IDNK: variants seen among roughly 807,000 people sequenced by gnomAD.
IDNK encodes the protein gluconokinase.
IDNK carries 9 observed loss-of-function variants against 13.0 expected under a neutral mutation model. The ratio of observed to expected loss-of-function variants is 0.69; its 90% CI spans 0.42 to 1.21. The LOEUF is 1.21. IDNK is among the 50% of genes most tolerant of loss of function. IDNK has a pLI of 0.00. For missense variants in IDNK, 210 were observed against 237.8 expected, an observed-to-expected ratio of 0.88 and a Z score of 0.77; for synonymous variants, 92 against 94.9, an observed-to-expected ratio of 0.97 and a Z score of 0.18.
upstream of IDNK, chr9:83,623,026 A>C: frequency 3.8e-6 from 2 of 519,824 alleles, no homozygotes; most frequent in Non-Finnish European, 6.2e-6. Flanking sequence ...AAAGCATGGA[A>C]AAGGGGCGCG....
At chr9:83,637,113 CATTT>C (rs1049665464) in intron 3 of IDNK, among the ~76,000 whole-genome samples, 5 of 152,182 alleles carry the variant, frequency 3.3e-5, no homozygotes, top group African/African-American at 9.7e-5. Flanking sequence ...TAGCTATTGA[CATTT>C]AGATTATAAT....
chr9:83,623,215 CG>C lies in IDNK; in HGVS notation c.48del (p.Lys17AsnfsTer54). On this transcript the variant is annotated frameshift_variant, in exon 1 of 5. Coordinates refer to ENST00000376419, the MANE Select transcript of IDNK (RefSeq NM_001001551.4). LOFTEE classifies it high-confidence loss of function. ...CTGCTGGTGATGGGCGTGAGCGGCT[CG>C]GGGAAGTAGGTCCGGGAGAGGGCGG... ...GALLVMGVSGSGKSTVGALLA... is the reference protein window; with the variant it reads ...GALLVMGVSGXGKSTVGALLA... The C allele has an allele frequency of 7.1e-7, 1 of 1,404,016 alleles. No individual in the cohort carries two copies. Among genetic ancestry groups the C allele is most frequent in the South Asian group, 1.6e-5 (1 of 61,020 alleles). 87.0% of individuals were successfully genotyped at this position (1,404,016 alleles called of 1,614,324 possible). A position where few individuals can be genotyped will look rare whatever the true frequency, so the allele number is the denominator to read the frequency against.
At chr9:83,628,781 T>C (rs1292199087) in intron 2 of IDNK, 92 bp from the exon 3 acceptor site, 5 of 875,870 alleles carry the variant, frequency 5.7e-6, no homozygotes, top group Non-Finnish European at 9.5e-6. Context: ...GCGGGTGGTA[T>C]TGTTTCTACA....
chr9:83,635,139 T>G (rs1239497713), intron 3 of IDNK, among the ~76,000 whole-genome samples: 3 of 152,230 alleles, frequency 2.0e-5, no homozygotes, highest in Non-Finnish European at 4.4e-5. Flanking sequence ...ACTCCAGGGC[T>G]GGCTCTCTGT....
chr9:83,635,827 C>G (rs1210026862), intron 3 of IDNK, among the ~76,000 whole-genome samples: 5 of 152,200 alleles, frequency 3.3e-5, no homozygotes, highest in African/African-American at 1.2e-4. Flanking sequence ...AAGGCAGATG[C>G]CTCCATTTTC....
intron 3 of IDNK, among the ~76,000 whole-genome samples, chr9:83,641,180 G>C (rs1000364827): frequency 6.6e-6 from 1 of 152,160 alleles, no homozygotes; most frequent in Non-Finnish European, 1.5e-5. Flanking sequence ...TGACGTAAGG[G>C]TTTATGTGAA....
chr9:83,641,931 G>C (rs530312010), intron 4 of IDNK, among the ~76,000 whole-genome samples: 2 of 152,372 alleles, frequency 1.3e-5, no homozygotes, highest in Non-Finnish European at 2.9e-5. Context: ...GAATAAGTGA[G>C]TTGGTGAGTG....
chr9:83,632,860 CCAATTT>C (rs1267979372), intron 3 of IDNK, among the ~76,000 whole-genome samples: 1 of 152,178 alleles, frequency 6.6e-6, no homozygotes, highest in Non-Finnish European at 1.5e-5. Context: ...TCTCCTTCTT[CCAATTT>C]CTTCACTGTA....
At position 83,623,153 on chromosome 9, in the gene IDNK, A is replaced by C; in HGVS notation, c.-19A>C. 1 of 1,412,894 alleles carries C rather than the reference A, an allele frequency of 7.1e-7. No individual in the cohort carries two copies. The highest frequency in any genetic ancestry group is 9.2e-7 in the Non-Finnish European group (1 of 1,088,954). 87.5% of individuals were successfully genotyped at this position (1,412,894 alleles called of 1,614,324 possible). On this transcript the variant is annotated 5_prime_UTR_variant, in exon 1 of 5. Transcript: ENST00000376419. The stretch of plus-strand genomic sequence containing the variant: ...CCGGCGGGGCCCGGAAGGCGACGGG[A>C]AGGAGCCGAGCTTGGGTTATGGCGG...
intron 3 of IDNK, among the ~76,000 whole-genome samples, chr9:83,636,594 C>G (rs1218171731): frequency 6.6e-6 from 1 of 152,182 alleles, no homozygotes; most frequent in Non-Finnish European, 1.5e-5. Flanking sequence ...TATATACACT[C>G]TTCTCCAAGA....
At chr9:83,633,156 G>A (rs1191568974) in intron 3 of IDNK, among the ~76,000 whole-genome samples, 5 of 152,042 alleles carry the variant, frequency 3.3e-5, no homozygotes, top group Admixed American at 2.0e-4. Flanking sequence ...TGGCTAACAC[G>A]GTGAAATCCC....
chr9:83,625,769 T>C (rs1830832144), intron 1 of IDNK, among the ~76,000 whole-genome samples: 1 of 152,228 alleles, frequency 6.6e-6, no homozygotes, highest in South Asian at 2.1e-4. Flanking sequence ...TTTAGAACAC[T>C]GTTAAAACAC....
intron 4 of IDNK, among the ~76,000 whole-genome samples, chr9:83,642,957 T>A (rs1053524192): frequency 3.3e-5 from 5 of 152,158 alleles, no homozygotes; most frequent in African/African-American, 1.2e-4. Context: ...AGAGTAGGAA[T>A]GGGGAGAATC....
intron 1 of IDNK, chr9:83,626,942 G>A (rs1587603320): frequency 1.4e-6 from 1 of 710,976 alleles, no homozygotes; most frequent in South Asian, 5.1e-5. Flanking sequence ...TAGCTTTTTA[G>A]TGAAAGAAAG....
intron 3 of IDNK, among the ~76,000 whole-genome samples, chr9:83,634,801 CCTCT>C (rs1831120464): frequency 6.6e-6 from 1 of 152,212 alleles, no homozygotes; most frequent in Non-Finnish European, 1.5e-5. Context: ...AACAAATTGT[CCTCT>C]CTCTTTGGTT....
In IDNK at chr9:83,625,952, G is replaced by C. The variant is rs533627646; in HGVS notation, c.51-2229G>C. 2.0e-5 allele frequency among the ~76,000 whole-genome samples: 3 copies of C among 152,358 alleles called. No homozygotes were observed. The East Asian group carries it at 5.8e-4, about 29-fold the overall frequency. The stretch of plus-strand genomic sequence containing the variant: ...TGGATGGAAGACGGCAGGCATCTGA[G>C]TGGGTGGCAGAGTTAATTTTCTTTA... On this transcript the variant is annotated intron_variant, in intron 1 of 4. Transcript: ENST00000376419.
At chr9:83,633,547 T>C (rs1057300308) in intron 3 of IDNK, among the ~76,000 whole-genome samples, 1 of 152,222 alleles carries the variant, frequency 6.6e-6, no homozygotes, top group Non-Finnish European at 1.5e-5. Context: ...ATTTAATGTT[T>C]GTGGAATTAA....
In IDNK at chr9:83,643,591, C is replaced by A. The variant is rs530209981; in HGVS notation, c.375C>A (p.Ser125Arg). ...AEMQLLVVHLSGSFEVISGRL... is the reference protein window; with the variant it reads ...AEMQLLVVHLRGSFEVISGRL... ...TGCAGCTCCTGGTGGTCCATCTGAG[C>A]GGGTCGTTTGAGGTCATCTCTGGAC... Residue 125 changes from serine (S) to arginine (R), a missense_variant, in exon 5 of 5, where the codon AGC becomes AGA. Coordinates refer to ENST00000376419, the MANE Select transcript of IDNK (RefSeq NM_001001551.4). 1.2e-6 allele frequency: 2 copies of A among 1,613,760 alleles called. No individual in the cohort carries two copies. Among genetic ancestry groups the A allele is most frequent in the East Asian group, 2.2e-5 (1 of 44,858 alleles).
chr9:83,641,246 A>G (rs1831299105), intron 3 of IDNK, among the ~76,000 whole-genome samples: 1 of 152,238 alleles, frequency 6.6e-6, no homozygotes, highest in Non-Finnish European at 1.5e-5. Flanking sequence ...GTACAATAAA[A>G]GATTTGTAAA....
Sources: gnomAD v4.1 joint callset for allele counts (sites outside exome capture counted in the v4.1 genomes callset) on GRCh38, gnomAD v4.1.1 for gene constraint, MANE v1.5 for transcripts, NCBI Gene and HGNC (gene_info 2026-07-23, HGNC 2026-07-21) for gene names.